FGGY: variants seen among roughly 807,000 people sequenced by gnomAD.
FGGY encodes the protein FGGY carbohydrate kinase domain containing, also known as FGGY carbohydrate kinase domain-containing protein.
In FGGY, 72 loss-of-function variants were observed where a neutral mutation model predicts 71.3. The ratio of observed to expected loss-of-function variants is 1.01; its 90% CI spans 0.84 to 1.23. FGGY has a LOEUF of 1.23. Among genes scored for constraint, FGGY ranks in the 50% most tolerant of loss-of-function variants. The pLI, the probability that FGGY is intolerant of heterozygous loss-of-function variation, is 0.00. For synonymous variants in FGGY, 251 were observed against 250.3 expected, an observed-to-expected ratio of 1.00 and a Z score of -0.02; for missense variants, 668 against 682.3, an observed-to-expected ratio of 0.98 and a Z score of 0.23.
At chr1:59,377,543 C>T (rs1223644465) in intron 4 of FGGY, among the ~76,000 whole-genome samples, 2 of 152,176 alleles carry the variant, frequency 1.3e-5, no homozygotes, top group Non-Finnish European at 2.9e-5. Flanking sequence ...AGGGTACCTC[C>T]TATGACACTT....
chr1:59,675,163 C>T (rs770165263), intron 14 of FGGY, among the ~76,000 whole-genome samples: 17 of 152,078 alleles, frequency 1.1e-4, no homozygotes, highest in Non-Finnish European at 2.1e-4. Flanking sequence ...CTCAACTGAA[C>T]GTTCAAGAGA....
At chr1:59,535,287 CTAAATA>C (rs2095282261) in intron 7 of FGGY, among the ~76,000 whole-genome samples, 1 of 152,048 alleles carries the variant, frequency 6.6e-6, no homozygotes, top group African/African-American at 2.4e-5. Flanking sequence ...GCTAACTATC[CTAAATA>C]TATGTGCACC....
chr1:59,584,571 T>A lies in FGGY; in HGVS notation c.904-23232T>A, dbSNP rs2096251649. Reference sequence around the variant, plus strand: ...AACCCACAGCCAATATCATACTGAATGGGCAAAAACTGGAAGCATTCCCTT... The same window carrying A: ...AACCCACAGCCAATATCATACTGAAAGGGCAAAAACTGGAAGCATTCCCTT... On this transcript the variant is annotated intron_variant, in intron 8 of 15. Coordinates refer to ENST00000303721, the MANE Select transcript of FGGY (RefSeq NM_018291.5). Among the ~76,000 whole-genome samples, 2 of 149,974 alleles carry A rather than the reference T, an allele frequency of 1.3e-5. 1 individual carries two copies. The highest frequency in any genetic ancestry group is 5.0e-5 in the African/African-American group (2 of 39,652).
In FGGY at chr1:59,485,130, A is replaced by G. The variant is rs538076304; in HGVS notation, c.671-27181A>G. Among the ~76,000 whole-genome samples, 585 of 152,320 alleles carry G rather than the reference A, an allele frequency of 3.8e-3. 7 individuals are homozygous for G. Among genetic ancestry groups the G allele is most frequent in the African/African-American group, 0.013 (559 of 41,572 alleles). The stretch of plus-strand genomic sequence containing the variant: ...TTGAATAAAATAGGATAGGACTGGA[A>G]TCAACTTCTGAACTTTCTCACTAGC... On this transcript the variant is annotated intron_variant, in intron 6 of 15. Transcript: ENST00000303721.
At chr1:59,446,409 T>A (rs879712408) in intron 5 of FGGY, among the ~76,000 whole-genome samples, 13 of 152,200 alleles carry the variant, frequency 8.5e-5, no homozygotes, top group Non-Finnish European at 1.6e-4. Context: ...CTGTGTTGCA[T>A]CATTGCATAT....
intron 7 of FGGY, among the ~76,000 whole-genome samples, chr1:59,544,828 G>T (rs1487588680): frequency 6.6e-6 from 1 of 152,200 alleles, no homozygotes; most frequent in Non-Finnish European, 1.5e-5. Context: ...TCTTCAGAAT[G>T]CAGAGTTCCA....
At chr1:59,580,842 C>T (rs2096180498) in intron 8 of FGGY, among the ~76,000 whole-genome samples, 1 of 152,156 alleles carries the variant, frequency 6.6e-6, no homozygotes, top group South Asian at 2.1e-4. Flanking sequence ...ACATCTTTCA[C>T]TTAATAGTTT....
intron 5 of FGGY, among the ~76,000 whole-genome samples, chr1:59,437,645 C>G (rs2068771031): frequency 6.6e-6 from 1 of 152,160 alleles, no homozygotes; most frequent in Admixed American, 6.5e-5. Flanking sequence ...GAGATTATAT[C>G]TGGTTATATA....
chr1:59,747,573 G>A (rs958810706), intron 14 of FGGY, among the ~76,000 whole-genome samples: 1 of 152,170 alleles, frequency 6.6e-6, no homozygotes, highest in African/African-American at 2.4e-5. Flanking sequence ...AGATTGCAGA[G>A]CTGGCAAAGA....
intron 5 of FGGY, 152 bp from the exon 6 acceptor site, chr1:59,456,809 A>G (rs1482742970): frequency 5.4e-6 from 3 of 554,438 alleles, no homozygotes; most frequent in Non-Finnish European, 9.7e-6. Flanking sequence ...ATCCATGGAG[A>G]CTTTTTACCT....
chr1:59,567,932 C>T (rs963113782), intron 8 of FGGY, among the ~76,000 whole-genome samples: 2 of 151,066 alleles, frequency 1.3e-5, no homozygotes, highest in African/African-American at 2.4e-5. Context: ...GATACCATTC[C>T]GTGCTATCCC....
intron 11 of FGGY, among the ~76,000 whole-genome samples, chr1:59,643,149 A>T (rs2153900268): frequency 6.6e-6 from 1 of 152,242 alleles, no homozygotes; most frequent in East Asian, 1.9e-4. Flanking sequence ...AGAAAATGTT[A>T]GAGAACTTTG....
intron 7 of FGGY, among the ~76,000 whole-genome samples, chr1:59,532,947 A>C (rs1192000417): frequency 2.8e-5 from 4 of 144,986 alleles, no homozygotes; most frequent in Middle Eastern, 7.1e-3. Context: ...ACAAAACTCT[A>C]TTTTATTTCT....
At chr1:59,330,953 A>G (rs1050129601) in intron 2 of FGGY, among the ~76,000 whole-genome samples, 1 of 152,046 alleles carries the variant, frequency 6.6e-6, no homozygotes, top group Admixed American at 6.5e-5. Flanking sequence ...CATCCTGATG[A>G]GTTTCAGAGG....
chr1:59,500,057 C>G (rs1284460949), intron 6 of FGGY, among the ~76,000 whole-genome samples: 1 of 152,100 alleles, frequency 6.6e-6, no homozygotes, highest in East Asian at 1.9e-4. Flanking sequence ...CACATTGTTA[C>G]CTGTTTTCCA....
chr1:59,613,618 G>C (rs1270362206), intron 9 of FGGY, among the ~76,000 whole-genome samples: 2 of 152,134 alleles, frequency 1.3e-5, no homozygotes, highest in African/African-American at 4.8e-5. Context: ...ACATTCAAAA[G>C]CTAGCAGAAG....
At chr1:59,626,070 C>A (rs1489688226) in intron 10 of FGGY, 21 bp downstream of exon 10, 1 of 1,608,570 alleles carries the variant, frequency 6.2e-7, no homozygotes, top group East Asian at 2.2e-5. Flanking sequence ...TCTCTGTTCC[C>A]TCTAAAATTT....
intron 14 of FGGY, among the ~76,000 whole-genome samples, chr1:59,732,876 A>G (rs1426124435): frequency 6.6e-6 from 1 of 152,082 alleles, no homozygotes; most frequent in East Asian, 1.9e-4. Flanking sequence ...CATGGAATTT[A>G]GACAGAATTC....
chr1:59,353,508 T>A (rs937371562), intron 4 of FGGY, among the ~76,000 whole-genome samples: 23 of 152,194 alleles, frequency 1.5e-4, no homozygotes, highest in African/African-American at 5.5e-4. Flanking sequence ...CAGTCATTCA[T>A]TTATTTGAAT....
Sources: allele counts gnomAD v4.1 joint callset (sites outside exome capture counted in the v4.1 genomes callset), GRCh38; gene constraint gnomAD v4.1.1; transcripts MANE v1.5; gene names NCBI Gene and HGNC (gene_info 2026-07-23, HGNC 2026-07-21).